Variants in DENND1B observed in about 807,000 individuals in gnomAD.
DENND1B encodes DENN domain containing 1B, also known as DENN domain-containing protein 1B.
In DENND1B, 59 loss-of-function variants were observed where a neutral mutation model predicts 90.1. The ratio of observed to expected loss-of-function variants is 0.65; its 90% CI spans 0.53 to 0.81. The LOEUF is 0.81. Among genes scored for constraint, DENND1B ranks in the 40% least tolerant of loss-of-function variants. The probability of loss-of-function intolerance (pLI) is 0.00; values close to 1 mark genes in which losing one functional copy is unlikely to be tolerated. For synonymous variants in DENND1B, 337 were observed against 324.6 expected (o/e 1.04, Z -0.41); for missense variants, 862 against 912.6 (o/e 0.94, Z 0.71).
intron 3 of DENND1B, among the ~76,000 whole-genome samples, chr1:197,703,583 T>C (rs2102170022): frequency 6.6e-6 from 1 of 152,296 alleles, no homozygotes; most frequent in Admixed American, 6.5e-5. Flanking sequence ...TGTCTTAAAG[T>C]GTTTGGTCTT....
At chr1:197,738,290 G>C (rs909274036) in intron 2 of DENND1B, among the ~76,000 whole-genome samples, 1 of 152,176 alleles carries the variant, frequency 6.6e-6, no homozygotes, top group Non-Finnish European at 1.5e-5. Flanking sequence ...AGACATAGAA[G>C]TATTTTCCTT....
intron 2 of DENND1B, among the ~76,000 whole-genome samples, chr1:197,755,307 G>A (rs1654137544): frequency 6.6e-6 from 1 of 151,942 alleles, no homozygotes; most frequent in Non-Finnish European, 1.5e-5. Context: ...ATAGGTATGA[G>A]AATCAAATAA....
intron 14 of DENND1B, among the ~76,000 whole-genome samples, chr1:197,586,418 G>C (rs183654628): frequency 2.7e-4 from 41 of 152,110 alleles, no homozygotes; most frequent in African/African-American, 9.9e-4. Context: ...AATATGGTAA[G>C]TATTTATACA....
chr1:197,769,387 A>G (rs937805530), intron 2 of DENND1B, among the ~76,000 whole-genome samples: 2 of 152,164 alleles, frequency 1.3e-5, no homozygotes, highest in Non-Finnish European at 2.9e-5. Flanking sequence ...GGGATTTGAA[A>G]AAAGAAACTT....
At chr1:197,589,335 G>A (rs1674978801) in intron 14 of DENND1B, among the ~76,000 whole-genome samples, 1 of 152,072 alleles carries the variant, frequency 6.6e-6, no homozygotes, top group African/African-American at 2.4e-5. Flanking sequence ...AATTAGAAAT[G>A]AGCAGAAAGA....
chr1:197,781,857 T>C, the DENND1B span, among the ~76,000 whole-genome samples: 1 of 152,206 alleles, frequency 6.6e-6, no homozygotes, highest in African/African-American at 2.4e-5. Context: ...TCGATGATGA[T>C]ATTTGTATAT....
chr1:197,632,173 C>T (rs888068116), intron 10 of DENND1B, among the ~76,000 whole-genome samples: 1 of 152,108 alleles, frequency 6.6e-6, no homozygotes, highest in South Asian at 2.1e-4. Context: ...TTTTATAAGG[C>T]CACCAGTGTT....
At chr1:197,750,612 A>AGATAGATAGATG (rs74349820) in intron 2 of DENND1B, among the ~76,000 whole-genome samples, 2 of 151,682 alleles carry the variant, frequency 1.3e-5, no homozygotes, top group South Asian at 4.2e-4. Context: ...ATAGATAGAT[A>AGATAGATAGATG]AAGATATAGA....
chr1:197,605,666 G>GT (rs1268924495), intron 13 of DENND1B: 5 of 150,818 alleles, frequency 3.3e-5, no homozygotes, highest in Non-Finnish European at 7.4e-5. Flanking sequence ...TTGTGATTTT[G>GT]TTTTTGCAAA....
chr1:197,724,883 C>T (rs1429677198), intron 2 of DENND1B, among the ~76,000 whole-genome samples: 1 of 151,824 alleles, frequency 6.6e-6, no homozygotes, highest in African/African-American at 2.4e-5. Context: ...AAATAGTGAA[C>T]TAAGTCAGAC....
chr1:197,734,720 T>G (rs1662474584), intron 2 of DENND1B: 1 of 984,374 alleles, frequency 1.0e-6, no homozygotes, highest in Admixed American at 6.2e-5. Flanking sequence ...GGATTCAGAA[T>G]TAAAGAATAC....
chr1:197,550,433 C>A (rs1305945081), intron 16 of DENND1B, among the ~76,000 whole-genome samples: 2 of 151,964 alleles, frequency 1.3e-5, no homozygotes. Flanking sequence ...ACCTCCTTTG[C>A]TGGATTAAGA....
intron 16 of DENND1B, chr1:197,552,559 A>T: frequency 2.0e-6 from 2 of 985,328 alleles, no homozygotes; most frequent in South Asian, 4.7e-5. Flanking sequence ...AGGTAAAGAC[A>T]TCTGTATAAT....
intron 15 of DENND1B, among the ~76,000 whole-genome samples, chr1:197,563,112 T>G (rs968690330): frequency 2.6e-5 from 4 of 151,960 alleles, no homozygotes; most frequent in Non-Finnish European, 4.4e-5. Context: ...AAGTACATGG[T>G]AAAGCAGCAA....
chr1:197,543,229 C>T (rs1203223126), intron 18 of DENND1B, among the ~76,000 whole-genome samples: 3 of 152,086 alleles, frequency 2.0e-5, no homozygotes, highest in Admixed American at 1.3e-4. Flanking sequence ...CCACAGCACC[C>T]GGCCCAAAGA....
At position 197,770,739 on chromosome 1, in the gene DENND1B, T is replaced by TATATATATCTATAAATATATATAA. The variant is rs1308511293; in HGVS notation, c.82+2105_82+2128dup. Among the ~76,000 whole-genome samples, 15 of 138,512 alleles carry TATATATATCTATAAATATATATAA rather than the reference T, an allele frequency of 1.1e-4. No homozygotes were observed. In the South Asian group the frequency reaches 1.5e-3, roughly 14 times the overall value. 90.9% of individuals were successfully genotyped at this position (138,512 alleles called of 152,430 possible). A position where few individuals can be genotyped will look rare whatever the true frequency, so the allele number is the denominator to read the frequency against. ...ATATATATCTATAAATATATATAAA[T>TATATATATCTATAAATATATATAA]ATATATATCTATAAATATATATAAA... On this transcript the variant is annotated intron_variant, in intron 2 of 22. Coordinates refer to ENST00000620048, the MANE Select transcript of DENND1B (RefSeq NM_001195215.2).
intron 5 of DENND1B, among the ~76,000 whole-genome samples, chr1:197,666,927 C>T (rs930871687): frequency 3.3e-5 from 5 of 152,026 alleles, no homozygotes; most frequent in African/African-American, 9.7e-5. Context: ...GGAGTTCAGG[C>T]GATTGAGACC....
intron 2 of DENND1B, chr1:197,734,568 T>C: frequency 1.0e-6 from 1 of 979,996 alleles, no homozygotes; most frequent in Non-Finnish European, 1.2e-6. Flanking sequence ...AAAAGAAAAA[T>C]CTTTTTCCTT....
chr1:197,680,880 T>A (rs1656614998), intron 3 of DENND1B, among the ~76,000 whole-genome samples: 1 of 152,036 alleles, frequency 6.6e-6, no homozygotes, highest in Non-Finnish European at 1.5e-5. Context: ...CACACAAGGA[T>A]TTATTTGAGG....
Sources: allele counts gnomAD v4.1 joint callset (sites outside exome capture counted in the v4.1 genomes callset), GRCh38; gene constraint gnomAD v4.1.1; transcripts MANE v1.5; gene names NCBI Gene and HGNC (gene_info 2026-07-23, HGNC 2026-07-21).